Variants in RABGAP1L observed in about 807,000 individuals in gnomAD.
RABGAP1L encodes the protein RAB GTPase activating protein 1 like.
In RABGAP1L, 63 loss-of-function variants were observed where a neutral mutation model predicts 137.7. That is an observed-to-expected ratio of 0.46 (90% CI 0.37 to 0.56). The LOEUF (loss-of-function observed/expected upper bound fraction) is 0.56, where lower values mean the gene tolerates loss of function less well. Among genes scored for constraint, RABGAP1L ranks in the 20% least tolerant of loss-of-function variants. The pLI is 0.00. For synonymous variants in RABGAP1L, 431 were observed against 433.7 expected, an observed-to-expected ratio of 0.99 and a Z score of 0.08; for missense variants, 1,095 against 1,244.0, an observed-to-expected ratio of 0.88 and a Z score of 1.80.
At chr1:174,465,484 G>C (rs1657191729) in intron 13 of RABGAP1L, among the ~76,000 whole-genome samples, 1 of 152,170 alleles carries the variant, frequency 6.6e-6, no homozygotes. Flanking sequence ...ACAGGCATGA[G>C]CCACCATGCC....
At chr1:174,175,618 G>A (rs915360165) in intron 1 of RABGAP1L, among the ~76,000 whole-genome samples, 17 of 147,012 alleles carry the variant, frequency 1.2e-4, no homozygotes, top group Admixed American at 2.0e-4. Flanking sequence ...CACCACGCCC[G>A]GCTACTTTTT....
chr1:174,574,700 T>A (rs918238680), intron 13 of RABGAP1L, among the ~76,000 whole-genome samples: 2 of 152,210 alleles, frequency 1.3e-5, no homozygotes, highest in Non-Finnish European at 2.9e-5. Flanking sequence ...GCACTTTTTC[T>A]CAACTGTTAG....
chr1:174,683,134 T>G (rs1458977184), intron 14 of RABGAP1L, among the ~76,000 whole-genome samples: 1 of 150,620 alleles, frequency 6.6e-6, no homozygotes, highest in African/African-American at 2.5e-5. Flanking sequence ...ATATCAAGAT[T>G]TCCCCCTTTT....
chr1:174,327,966 T>TATATACACAC (rs1398810396), intron 11 of RABGAP1L, among the ~76,000 whole-genome samples: 1 of 13,868 alleles, frequency 7.2e-5, no homozygotes, highest in African/African-American at 6.8e-4. Context: ...AATATATATA[T>TATATACACAC]ATATATATAT....
chr1:174,498,905 G>A (rs1223033191), intron 13 of RABGAP1L, among the ~76,000 whole-genome samples: 2 of 151,934 alleles, frequency 1.3e-5, no homozygotes, highest in Non-Finnish European at 2.9e-5. Flanking sequence ...AAATAAATTT[G>A]ATATTATTTT....
At chr1:174,353,611 TTCC>T (rs1683376751) in intron 11 of RABGAP1L, among the ~76,000 whole-genome samples, 1 of 152,188 alleles carries the variant, frequency 6.6e-6, no homozygotes, top group African/African-American at 2.4e-5. Flanking sequence ...CTGCTGGGAT[TTCC>T]TCTTGCTAGG....
intron 13 of RABGAP1L, among the ~76,000 whole-genome samples, chr1:174,467,295 C>T (rs547317627): frequency 6.6e-6 from 1 of 152,094 alleles, no homozygotes; most frequent in East Asian, 1.9e-4. Flanking sequence ...TTTGTCTTCT[C>T]TGTAGTCATT....
Position 174,709,966 on chromosome 1 carries a change from A to G in RABGAP1L, c.2169+7710A>G, listed in dbSNP as rs143204931. Among the ~76,000 whole-genome samples, 1,378 of 152,358 alleles carry G rather than the reference A, an allele frequency of 9.0e-3. 26 individuals carry two copies. Among genetic ancestry groups the G allele is most frequent in the African/African-American group, 0.032 (1,330 of 41,578 alleles). On this transcript the variant is annotated intron_variant, in intron 17 of 25. Transcript: ENST00000681986. ...TAGAATAACTAGTTTAGAGAAGAAC[A>G]TAAATGACCTGATGGAGCTGAAAAA...
intron 19 of RABGAP1L, among the ~76,000 whole-genome samples, chr1:174,916,695 A>G (rs892213886): frequency 2.0e-5 from 3 of 152,208 alleles, no homozygotes; most frequent in Non-Finnish European, 4.4e-5. Flanking sequence ...TCGCTCTACT[A>G]TCTCAAAGGA....
At chr1:174,877,550 T>G (rs1653341711) in intron 19 of RABGAP1L, 2 of 1,613,932 alleles carry the variant, frequency 1.2e-6, no homozygotes, top group Non-Finnish European at 1.7e-6. Flanking sequence ...TTCAGCCAGC[T>G]GCACGATGAA....
At chr1:174,315,788 C>G (rs1317867407) in intron 11 of RABGAP1L, among the ~76,000 whole-genome samples, 2 of 152,008 alleles carry the variant, frequency 1.3e-5, no homozygotes, top group Non-Finnish European at 2.9e-5. Context: ...ATATTGGTAT[C>G]TTTCTCTAGG....
chr1:174,404,449 A>G (rs1649023160), intron 13 of RABGAP1L, among the ~76,000 whole-genome samples: 1 of 152,152 alleles, frequency 6.6e-6, no homozygotes, highest in Non-Finnish European at 1.5e-5. Flanking sequence ...TCATCTATTT[A>G]TGCATCAATG....
rs186837292 is a variant in RABGAP1L, at chr1:174,783,077, A to C, written c.2212-28755A>C. On this transcript the variant is annotated intron_variant, in intron 18 of 25. Transcript: ENST00000681986. ...GCTGAGCTTTTGCTCACCGTTCATC[A>C]CTGCTGAATGCTACCATCGCAGACC... Among the ~76,000 whole-genome samples, 186 of 151,950 alleles carry C rather than the reference A, an allele frequency of 1.2e-3. 2 individuals are homozygous for C. The highest frequency in any genetic ancestry group is 4.3e-3 in the African/African-American group (180 of 41,428).
At chr1:174,548,393 T>C in intron 13 of RABGAP1L, 1 of 990,742 alleles carries the variant, frequency 1.0e-6, no homozygotes, top group Non-Finnish European at 1.2e-6. Flanking sequence ...TATTTAAAAC[T>C]ATAAGTGGAA....
At position 174,303,684 on chromosome 1, in the gene RABGAP1L, T is replaced by G. The variant is rs530417586; in HGVS notation, c.1324-1302T>G. On this transcript the variant is annotated intron_variant, in intron 10 of 25. Transcript: ENST00000681986. ...GTATTTTAATAAAAATACACTTATT[T>G]GAAACTCAGTTTTTAGGTGCAATAT... Among the ~76,000 whole-genome samples, 3 of 152,280 alleles carry G rather than the reference T, an allele frequency of 2.0e-5. No individual in the cohort carries two copies. The South Asian group carries it at 6.2e-4, about 32-fold the overall frequency.
At chr1:174,792,634 T>C (rs546303727) in intron 18 of RABGAP1L, among the ~76,000 whole-genome samples, 3 of 152,370 alleles carry the variant, frequency 2.0e-5, no homozygotes, top group South Asian at 4.1e-4. Flanking sequence ...TGTATACTTA[T>C]GGCAAAGTAC....
intron 13 of RABGAP1L, among the ~76,000 whole-genome samples, chr1:174,450,483 G>T (rs1458428319): frequency 6.6e-6 from 1 of 152,114 alleles, no homozygotes; most frequent in Non-Finnish European, 1.5e-5. Flanking sequence ...AAATACTTTT[G>T]TGTAATTGTT....
At chr1:174,275,563 TG>T (rs1571878717) in intron 8 of RABGAP1L, among the ~76,000 whole-genome samples, 2 of 152,148 alleles carry the variant, frequency 1.3e-5, no homozygotes, top group Admixed American at 6.6e-5. Flanking sequence ...AACAATATTA[TG>T]TTTTTTTGAT....
At chr1:174,837,970 A>G (rs1692938207) in intron 19 of RABGAP1L, among the ~76,000 whole-genome samples, 1 of 152,150 alleles carries the variant, frequency 6.6e-6, no homozygotes, top group African/African-American at 2.4e-5. Context: ...ACCCTAGTGA[A>G]TGGATAGTCT....
Sources: gnomAD v4.1 joint callset for allele counts (sites outside exome capture counted in the v4.1 genomes callset) on GRCh38, gnomAD v4.1.1 for gene constraint, MANE v1.5 for transcripts, NCBI Gene and HGNC (gene_info 2026-07-23, HGNC 2026-07-21) for gene names.